INTU: variants seen among roughly 807,000 people sequenced by gnomAD.
INTU encodes the protein protein inturned.
INTU carries 68 observed loss-of-function variants against 100.5 expected under a neutral mutation model. The ratio of observed to expected loss-of-function variants is 0.68; its 90% CI spans 0.56 to 0.83. The LOEUF (loss-of-function observed/expected upper bound fraction) is 0.83. Among genes scored for constraint, INTU ranks in the 40% least tolerant of loss-of-function variants. The pLI, the probability that INTU is intolerant of heterozygous loss-of-function variation, is 0.00. For missense variants in INTU, 1,071 were observed against 1,114.7 expected (o/e 0.96, Z 0.56); for synonymous variants, 357 against 395.7 (o/e 0.90, Z 1.16).
At chr4:127,679,715 C>G (rs985384395) in intron 6 of INTU, among the ~76,000 whole-genome samples, 4 of 151,710 alleles carry the variant, frequency 2.6e-5, no homozygotes, top group Non-Finnish European at 5.9e-5. Flanking sequence ...AGAGCAAACA[C>G]ATTCAAAAGC....
chr4:127,637,233 C>G (rs1727111998), intron 1 of INTU, among the ~76,000 whole-genome samples: 1 of 152,194 alleles, frequency 6.6e-6, no homozygotes. Context: ...CTGATTTCTC[C>G]TGTCTGTGGT....
At chr4:127,651,986 G>A (rs916245193) in intron 2 of INTU, among the ~76,000 whole-genome samples, 5 of 148,942 alleles carry the variant, frequency 3.4e-5, no homozygotes, top group Non-Finnish European at 5.9e-5. Context: ...AAGCAATTGT[G>A]AATGGGAGTT....
At chr4:127,704,730 T>A (rs562381264) in intron 10 of INTU, among the ~76,000 whole-genome samples, 1 of 152,194 alleles carries the variant, frequency 6.6e-6, no homozygotes, top group Admixed American at 6.5e-5. Flanking sequence ...AAGAACCAAG[T>A]TTGTAAGAGA....
intron 2 of INTU, among the ~76,000 whole-genome samples, chr4:127,649,952 T>G (rs1727763112): frequency 6.6e-6 from 1 of 152,230 alleles, no homozygotes; most frequent in Non-Finnish European, 1.5e-5. Flanking sequence ...TATCTTTAAT[T>G]ATGTTCTGAA....
chr4:127,676,113 G>A (rs895225131), intron 6 of INTU: 4 of 168,416 alleles, frequency 2.4e-5, no homozygotes, highest in African/African-American at 9.5e-5. Flanking sequence ...CATAAATGTG[G>A]GGTTCAAATC....
chr4:127,673,503 A>G (rs925909838), intron 5 of INTU, among the ~76,000 whole-genome samples: 17 of 151,116 alleles, frequency 1.1e-4, no homozygotes, highest in African/African-American at 4.1e-4. Flanking sequence ...TTTCTTTTGG[A>G]AAAAAAAATT....
At chr4:127,711,705 A>G (rs2148737078) in intron 14 of INTU, among the ~76,000 whole-genome samples, 1 of 152,326 alleles carries the variant, frequency 6.6e-6, no homozygotes, top group South Asian at 2.1e-4. Flanking sequence ...TAGGCTGTGC[A>G]CTTCTTATGA....
chr4:127,676,862 A>G (rs971178425), intron 6 of INTU, among the ~76,000 whole-genome samples: 4 of 152,178 alleles, frequency 2.6e-5, no homozygotes, highest in Non-Finnish European at 5.9e-5. Flanking sequence ...AAGGGGTGAC[A>G]GACAGCACCT....
At chr4:127,691,745 C>G (rs1369750246) in intron 8 of INTU, among the ~76,000 whole-genome samples, 1 of 151,502 alleles carries the variant, frequency 6.6e-6, no homozygotes, top group African/African-American at 2.4e-5. Flanking sequence ...TCTTGCCACC[C>G]CCTGCTCTTT....
At chr4:127,684,366 T>G (rs1419834230) in intron 6 of INTU, 43 bp from the exon 7 acceptor site, 1 of 1,033,256 alleles carries the variant, frequency 9.7e-7, no homozygotes, top group Non-Finnish European at 1.5e-6. Context: ...TAAATGTCAT[T>G]TGATTATGTT....
At chr4:127,634,263 A>G (rs10009032) in intron 1 of INTU, among the ~76,000 whole-genome samples, 5,765 of 152,294 alleles carry the variant, frequency 0.038, 373 homozygotes, top group African/African-American at 0.13. Context: ...ATTCATGATT[A>G]TTACACAAGG....
chr4:127,696,400 T>A (rs1248958314), intron 8 of INTU, among the ~76,000 whole-genome samples: 1 of 152,206 alleles, frequency 6.6e-6, no homozygotes, highest in East Asian at 1.9e-4. Context: ...ATTTATAGTA[T>A]CTGTTTCTTC....
intron 8 of INTU, among the ~76,000 whole-genome samples, chr4:127,689,223 A>G (rs866413748): frequency 2.0e-5 from 3 of 151,884 alleles, no homozygotes; most frequent in Non-Finnish European, 4.4e-5. Flanking sequence ...AGCTCAAGCA[A>G]TCTGCCCGCC....
chr4:127,646,027 T>C (rs1727568363), intron 2 of INTU, among the ~76,000 whole-genome samples: 1 of 151,812 alleles, frequency 6.6e-6, no homozygotes, highest in South Asian at 2.1e-4. Context: ...TACTAAAAAA[T>C]ACAAAACTTA....
At chr4:127,656,315 A>T (rs1578553040) in intron 2 of INTU, among the ~76,000 whole-genome samples, 1 of 152,226 alleles carries the variant, frequency 6.6e-6, no homozygotes, top group Non-Finnish European at 1.5e-5. Context: ...GGTTCATGCT[A>T]ACAAATTTTC....
In INTU at chr4:127,644,024, G is replaced by C. The variant is rs1025967478; in HGVS notation, c.650G>C (p.Gly217Ala). The stretch of plus-strand genomic sequence containing the variant: ...GTGGTTCATGGCCTGCTGCCAGGGG[G>C]ATCTGCTATGAAGAGCGGTCAGGTA... ...RLVVHGLLPG[G>A]SAMKSGQVLI... The change falls in exon 2 of 16, where the codon GGA becomes GCA. Residue 217 changes from glycine to alanine, a missense_variant. Physicochemically the swap from Gly to Ala is moderately conservative, Grantham distance 60. Coordinates refer to ENST00000335251, the MANE Select transcript of INTU (RefSeq NM_015693.4). 1 of 1,614,092 alleles carries C rather than the reference G, an allele frequency of 6.2e-7. No homozygotes were observed. Among genetic ancestry groups the C allele is most frequent in the Admixed American group, 1.7e-5 (1 of 60,020 alleles).
chr4:127,654,352 G>A (rs1215624028), intron 2 of INTU, among the ~76,000 whole-genome samples: 19 of 152,264 alleles, frequency 1.2e-4, no homozygotes, highest in Admixed American at 3.3e-4. Context: ...ATTTTGCAGC[G>A]GCCGGTACCG....
At chr4:127,644,859 A>G (rs1727502910) in intron 2 of INTU, among the ~76,000 whole-genome samples, 1 of 152,218 alleles carries the variant, frequency 6.6e-6, no homozygotes, top group South Asian at 2.1e-4. Flanking sequence ...TAAATTTACA[A>G]ATATTTCCAA....
At chr4:127,713,004 G>A (rs1395140696) in intron 14 of INTU, among the ~76,000 whole-genome samples, 1 of 152,190 alleles carries the variant, frequency 6.6e-6, no homozygotes, top group African/African-American at 2.4e-5. Flanking sequence ...AACTGAGTGA[G>A]AAGAAAGTGG....
Sources: allele counts gnomAD v4.1 joint callset (sites outside exome capture counted in the v4.1 genomes callset), GRCh38; gene constraint gnomAD v4.1.1; transcripts MANE v1.5; gene names NCBI Gene and HGNC (gene_info 2026-07-23, HGNC 2026-07-21).